ADGRD1: variants seen among roughly 807,000 people sequenced by gnomAD.
ADGRD1 encodes G-protein coupled receptor 133.
Under a neutral mutation model 113.4 loss-of-function variants are expected in ADGRD1, and 77 were observed. That is an observed-to-expected ratio of 0.68 (90% CI 0.57 to 0.82). The LOEUF (loss-of-function observed/expected upper bound fraction) is 0.82. Ranked by LOEUF, ADGRD1 falls within the 40% of genes least tolerant of loss-of-function variation. ADGRD1 has a pLI of 0.00. For missense variants in ADGRD1, 1,036 were observed against 1,139.1 expected (o/e 0.91, Z 1.30); for synonymous variants, 474 against 475.0 (o/e 1.00, Z 0.03).
chr12:131,040,460 C>A (rs1271688726), intron 13 of ADGRD1, among the ~76,000 whole-genome samples: 1 of 152,152 alleles, frequency 6.6e-6, no homozygotes, highest in Non-Finnish European at 1.5e-5. Context: ...TTTGGTACAC[C>A]CTTTTAAAAA....
At chr12:131,026,129 C>A (rs1034726966) in intron 13 of ADGRD1, 1 of 152,328 alleles carries the variant, frequency 6.6e-6, no homozygotes, top group Admixed American at 6.5e-5. Flanking sequence ...CTGTGCTTCT[C>A]CCCTGCTGGG....
At chr12:131,056,508 T>C (rs892606229) in intron 13 of ADGRD1, among the ~76,000 whole-genome samples, 1 of 152,230 alleles carries the variant, frequency 6.6e-6, no homozygotes, top group Non-Finnish European at 1.5e-5. Context: ...AGGCTGTATT[T>C]TAAGCTAGGC....
intron 9 of ADGRD1, among the ~76,000 whole-genome samples, chr12:131,000,711 A>G (rs533816766): frequency 2.7e-5 from 4 of 148,826 alleles, no homozygotes; most frequent in Admixed American, 1.4e-4. Context: ...ACTGCACTCC[A>G]GCCTGGGCAA....
At position 131,014,216 on chromosome 12, in the gene ADGRD1, A is replaced by C. The variant is rs200060202; in HGVS notation, c.1349A>C (p.His450Pro). The C allele has an allele frequency of 8.7e-6, 14 of 1,614,102 alleles. No homozygotes were observed. Among genetic ancestry groups the C allele is most frequent in the Non-Finnish European group, 1.1e-5 (13 of 1,179,998 alleles). The change falls in exon 13 of 25, where the codon CAT becomes CCT. Residue 450 changes from histidine (H) to proline (P), a missense_variant. Coordinates refer to ENST00000261654, the MANE Select transcript of ADGRD1 (RefSeq NM_198827.5). ...TTCCCAAGGATCGCGGAGGCCATGC[A>C]TCACCAGGACTGCCTGCTGTTCGCC... ...PAHTKIAEAM[H>P]HQDCLLFATS...
At chr12:131,101,362 TC>T (rs1950071724) in intron 15 of ADGRD1, among the ~76,000 whole-genome samples, 1 of 140,990 alleles carries the variant, frequency 7.1e-6, no homozygotes, top group South Asian at 2.3e-4. Context: ...TTATTTTTTT[TC>T]TTTTTCTTTC....
At chr12:131,098,172 A>ACCGCCTTCTCCCACGGTGGCCTGTG (rs1391426237) in intron 15 of ADGRD1, among the ~76,000 whole-genome samples, 1 of 120,214 alleles carries the variant, frequency 8.3e-6, no homozygotes, top group Admixed American at 9.6e-5. Flanking sequence ...CTTCTCCCGC[A>ACCGCCTTCTCCCACGGTGGCCTGTG]GTGGCTGCTG....
chr12:131,084,774 C>A lies in ADGRD1; in HGVS notation c.1671+111C>A. ...GTGCCCACGGGCCCTGGGCACATTA[C>A]TCCATGGGGCCTGTGTTTACAGACG... On this transcript the variant is annotated intron_variant, in intron 15 of 24. Coordinates refer to ENST00000261654, the MANE Select transcript of ADGRD1 (RefSeq NM_198827.5). This position sits in a 1 kb window ranked among gnomAD's most constrained non-coding sequence, Gnocchi z 4.5. 8.9e-7 allele frequency: 1 copy of A among 1,124,566 alleles called. No individual in the cohort carries two copies. The highest frequency in any genetic ancestry group is 1.4e-5 in the South Asian group (1 of 73,282). The allele number at this position is 1,124,566 out of a possible 1,614,324, so 69.7% of individuals were successfully genotyped here.
At position 131,041,441 on chromosome 12, in the gene ADGRD1, T is replaced by C. The variant is rs1882118480; in HGVS notation, c.1473+27101T>C. Among the ~76,000 whole-genome samples the C allele has an allele frequency of 6.6e-6, 1 of 152,064 alleles. No individual in the cohort carries two copies. Among genetic ancestry groups the C allele is most frequent in the South Asian group, 2.1e-4 (1 of 4,816 alleles). On this transcript the variant is annotated intron_variant, in intron 13 of 24. Coordinates refer to ENST00000261654, the MANE Select transcript of ADGRD1 (RefSeq NM_198827.5). This position sits in a 1 kb window ranked among gnomAD's most constrained non-coding sequence, Gnocchi z 4.4. ...GCTGACCCAGCCACCTGAAGCGGCT[T>C]TTGCCTCCCACCCCACCCTTGAGGG...
chr12:130,964,633 C>T (rs902093902), intron 2 of ADGRD1, among the ~76,000 whole-genome samples: 4 of 152,068 alleles, frequency 2.6e-5, no homozygotes, highest in African/African-American at 7.2e-5. Flanking sequence ...TGCAGTGAGC[C>T]GAGATCGCGC....
intron 20 of ADGRD1, among the ~76,000 whole-genome samples, chr12:131,123,268 C>T (rs1182561987): frequency 6.6e-6 from 1 of 151,286 alleles, no homozygotes; most frequent in Non-Finnish European, 1.5e-5. Flanking sequence ...TGGTCTCTAA[C>T]TCCTGACCTC....
intron 13 of ADGRD1, among the ~76,000 whole-genome samples, chr12:131,055,388 G>A (rs530483412): frequency 6.6e-6 from 1 of 152,328 alleles, no homozygotes; most frequent in South Asian, 2.1e-4. Context: ...TAAGCACACT[G>A]ACTTCAGCGT....
chr12:131,097,277 G>T (rs1727358), intron 15 of ADGRD1, among the ~76,000 whole-genome samples: 9,112 of 152,198 alleles, frequency 0.06, 295 homozygotes, highest in Non-Finnish European at 0.07. Flanking sequence ...GAGGGTGATG[G>T]TCCCCCCAGC....
rs578101491 is a variant in ADGRD1 at position 131,024,531 on chromosome 12, C to T, written c.1473+10191C>T. On this transcript the variant is annotated intron_variant, in intron 13 of 24. Coordinates refer to ENST00000261654, the MANE Select transcript of ADGRD1 (RefSeq NM_198827.5). The stretch of plus-strand genomic sequence containing the variant: ...AGACCAGATTTTCCCTGTACCTCAT[C>T]TATGTTTTGATGTATTTCAATGCAC... The T allele has an allele frequency of 3.9e-5, 6 of 152,362 alleles. No homozygotes were observed. In the South Asian group the frequency reaches 1.0e-3, roughly 26 times the overall value. 9.4% of individuals were successfully genotyped at this position (152,362 alleles called of 1,614,324 possible).
chr12:131,116,376 G>A (rs1017603287), intron 18 of ADGRD1, among the ~76,000 whole-genome samples: 5 of 150,624 alleles, frequency 3.3e-5, no homozygotes, highest in African/African-American at 1.0e-4. Flanking sequence ...ATTCTGCAAT[G>A]CATTTAAGTC....
intron 15 of ADGRD1, among the ~76,000 whole-genome samples, chr12:131,089,946 A>G (rs144669214): frequency 3.9e-5 from 6 of 152,332 alleles, no homozygotes; most frequent in Admixed American, 1.3e-4. Context: ...GCCCAGTGTG[A>G]CTTCCTTCTT....
At chr12:131,007,987 G>A (rs1028747643) in intron 12 of ADGRD1, among the ~76,000 whole-genome samples, 6 of 152,186 alleles carry the variant, frequency 3.9e-5, no homozygotes, top group African/African-American at 9.7e-5. Context: ...GGAAGTGGAG[G>A]GGACAAAGAG....
intron 4 of ADGRD1, chr12:130,977,774 G>C (rs1872503901): frequency 6.6e-6 from 1 of 152,498 alleles, no homozygotes; most frequent in Admixed American, 6.5e-5. Context: ...TGTGGGTACA[G>C]ACGCCAGGCG....
intron 14 of ADGRD1, among the ~76,000 whole-genome samples, chr12:131,083,777 A>G (rs1886247079): frequency 6.6e-6 from 1 of 152,208 alleles, no homozygotes; most frequent in Admixed American, 6.5e-5. Flanking sequence ...ATATATCCAC[A>G]CGTTATTCAC....
At chr12:131,055,040 G>A (rs1883728767) in intron 13 of ADGRD1, among the ~76,000 whole-genome samples, 1 of 152,182 alleles carries the variant, frequency 6.6e-6, no homozygotes, top group African/African-American at 2.4e-5. Context: ...CTGGTGCATG[G>A]AAATTTTATT....
Sources: gnomAD v4.1 joint callset for allele counts (sites outside exome capture counted in the v4.1 genomes callset) on GRCh38, gnomAD v4.1.1 for gene constraint, Gnocchi (gnomAD v3.1) non-coding constraint, MANE v1.5 for transcripts, NCBI Gene and HGNC (gene_info 2026-07-23, HGNC 2026-07-21) for gene names.